The following ARID4B variants were observed in gnomAD, a reference collection of about 807,000 sequenced individuals.
ARID4B encodes the protein AT-rich interaction domain 4B, also known as AT-rich interactive domain-containing protein 4B.
A neutral mutation model predicts 147.5 loss-of-function variants in ARID4B; 26 were observed. The ratio of observed to expected loss-of-function variants is 0.18; its 90% CI spans 0.13 to 0.24. The LOEUF is 0.24. Among genes scored for constraint, ARID4B ranks in the 10% least tolerant of loss-of-function variants. The probability of loss-of-function intolerance (pLI) is 1.00; values close to 1 mark genes in which losing one functional copy is unlikely to be tolerated. For missense variants in ARID4B, 1,179 were observed against 1,511.5 expected (o/e 0.78, Z 3.65); for synonymous variants, 512 against 507.9 (o/e 1.01, Z -0.11).
At chr1:235,223,495 T>A (rs1667634588) in intron 12 of ARID4B, among the ~76,000 whole-genome samples, 1 of 149,330 alleles carries the variant, frequency 6.7e-6, no homozygotes, top group Non-Finnish European at 1.5e-5. Flanking sequence ...CATGGCCACT[T>A]TAAAATTTTT....
At chr1:235,287,864 AACT>A (rs1162322432) in intron 2 of ARID4B, among the ~76,000 whole-genome samples, 1 of 152,236 alleles carries the variant, frequency 6.6e-6, no homozygotes, top group African/African-American at 2.4e-5. Context: ...TCGGGGACAT[AACT>A]ACTGTCTCCT....
intron 17 of ARID4B, among the ~76,000 whole-genome samples, chr1:235,197,535 T>A (rs1665586764): frequency 6.6e-6 from 1 of 152,172 alleles, no homozygotes; most frequent in Non-Finnish European, 1.5e-5. Flanking sequence ...TCTGTTTATA[T>A]GCTGGAAGAT....
intron 2 of ARID4B, chr1:235,326,667 A>C (rs1675290597): frequency 1.1e-5 from 6 of 526,546 alleles, no homozygotes; most frequent in Middle Eastern, 5.3e-4. Flanking sequence ...TATTCCTCTC[A>C]TTCCCTACAA....
intron 3 of ARID4B, among the ~76,000 whole-genome samples, chr1:235,259,648 G>A (rs899764436): frequency 6.6e-6 from 1 of 152,220 alleles, no homozygotes; most frequent in Non-Finnish European, 1.5e-5. Context: ...AAGGTAGGGT[G>A]GGGCCAAGAC....
intron 2 of ARID4B, among the ~76,000 whole-genome samples, chr1:235,283,264 T>TA (rs1221199315): frequency 2.0e-5 from 3 of 152,196 alleles, no homozygotes; most frequent in African/African-American, 7.2e-5. Context: ...AAAAAGAGCT[T>TA]AAATCCAGAT....
intron 2 of ARID4B, among the ~76,000 whole-genome samples, chr1:235,295,180 A>T (rs1347725919): frequency 1.3e-5 from 2 of 152,170 alleles, no homozygotes; most frequent in Non-Finnish European, 2.9e-5. Flanking sequence ...ATATAATGTT[A>T]ATGTTGTTAG....
At chr1:235,246,096 G>A (rs1476927894) in intron 7 of ARID4B, among the ~76,000 whole-genome samples, 2 of 152,064 alleles carry the variant, frequency 1.3e-5, no homozygotes, top group African/African-American at 4.8e-5. Flanking sequence ...GGGAGGCATG[G>A]AGACCAAAAA....
intron 4 of ARID4B, among the ~76,000 whole-genome samples, chr1:235,256,670 G>C (rs1231865647): frequency 2.6e-5 from 4 of 152,168 alleles, no homozygotes; most frequent in Middle Eastern, 3.2e-3. Flanking sequence ...TAAGAGCTCC[G>C]ATTTTTTTGG....
intron 2 of ARID4B, among the ~76,000 whole-genome samples, chr1:235,264,492 CAG>C (rs1378487045): frequency 2.6e-5 from 4 of 152,098 alleles, no homozygotes; most frequent in South Asian, 2.1e-4. Context: ...GCTTTGAAAG[CAG>C]AGAGGCAAGG....
chr1:235,259,782 G>C (rs1193690083), intron 3 of ARID4B, among the ~76,000 whole-genome samples: 1 of 152,184 alleles, frequency 6.6e-6, no homozygotes, highest in Non-Finnish European at 1.5e-5. Flanking sequence ...TATAGGAACA[G>C]TAAAAGCTCC....
intron 2 of ARID4B, among the ~76,000 whole-genome samples, chr1:235,319,587 A>G (rs1572235684): frequency 1.3e-5 from 2 of 152,320 alleles, no homozygotes; most frequent in South Asian, 4.1e-4. Context: ...AAAACAAGTG[A>G]AAGGATTGCT....
intron 19 of ARID4B, among the ~76,000 whole-genome samples, chr1:235,192,778 G>A (rs939795753): frequency 6.6e-6 from 1 of 151,926 alleles, no homozygotes; most frequent in Non-Finnish European, 1.5e-5. Context: ...ACTTCATTTT[G>A]CCTTAAATAC....
Position 235,252,796 on chromosome 1 carries a change from T to G in ARID4B, c.288A>C (p.Gly96=), listed in dbSNP as rs373905294. 56 of 1,608,952 alleles carry G rather than the reference T, an allele frequency of 3.5e-5. No individual in the cohort carries two copies. Among genetic ancestry groups the G allele is most frequent in the Non-Finnish European group, 4.6e-5 (54 of 1,177,536 alleles). Residue 96 remains glycine (G), a synonymous_variant, in exon 6 of 24, where the codon GGA becomes GGC. Coordinates refer to ENST00000264183, the MANE Select transcript of ARID4B (RefSeq NM_016374.6). ...ASWYTVVFDD[G]DEKTLRRSSL... ...AAGATCGTCTCAGTGTCTTCTCATC[T>G]CCGTCATCAAAAACTATGAGAGGGG...
intron 17 of ARID4B, among the ~76,000 whole-genome samples, chr1:235,205,634 A>G (rs1666258382): frequency 6.6e-6 from 1 of 152,232 alleles, no homozygotes; most frequent in Admixed American, 6.5e-5. Context: ...GTATCTGATA[A>G]GGGAATAACA....
intron 2 of ARID4B, among the ~76,000 whole-genome samples, chr1:235,293,402 T>C (rs1355347576): frequency 6.6e-6 from 1 of 152,236 alleles, no homozygotes; most frequent in Non-Finnish European, 1.5e-5. Flanking sequence ...AAACATTTTC[T>C]ATACTGTCAC....
At chr1:235,259,744 C>T (rs1670186757) in intron 3 of ARID4B, among the ~76,000 whole-genome samples, 1 of 152,166 alleles carries the variant, frequency 6.6e-6, no homozygotes, top group African/African-American at 2.4e-5. Flanking sequence ...ACCCAGGTAG[C>T]TTTTTCAACA....
intron 2 of ARID4B, among the ~76,000 whole-genome samples, chr1:235,312,369 C>T (rs554769933): frequency 3.3e-5 from 5 of 152,250 alleles, no homozygotes; most frequent in Admixed American, 6.5e-5. Flanking sequence ...AAAATAAATA[C>T]TCATGTTTGA....
At chr1:235,196,853 C>CAAA (rs34581094) in intron 17 of ARID4B, among the ~76,000 whole-genome samples, 2,775 of 88,462 alleles carry the variant, frequency 0.031, 114 homozygotes, top group African/African-American at 0.097. Flanking sequence ...CTCTGTTTCA[C>CAAA]AAAAAAAAAA....
chr1:235,241,698 T>G (rs1668991804), intron 7 of ARID4B, among the ~76,000 whole-genome samples: 1 of 151,970 alleles, frequency 6.6e-6, no homozygotes, highest in Non-Finnish European at 1.5e-5. Flanking sequence ...TTTGTATTTT[T>G]GGTAGAGAAG....
Sources: gnomAD v4.1 joint callset for allele counts (sites outside exome capture counted in the v4.1 genomes callset) on GRCh38, gnomAD v4.1.1 for gene constraint, MANE v1.5 for transcripts, NCBI Gene and HGNC (gene_info 2026-07-23, HGNC 2026-07-21) for gene names.